The following BRWD3 variants were observed in gnomAD, a reference collection of about 807,000 sequenced individuals.
BRWD3 encodes the protein bromodomain and WD repeat domain containing 3.
A neutral mutation model predicts 149.7 loss-of-function variants in BRWD3; 10 were observed. The ratio of observed to expected loss-of-function variants is 0.07; its 90% CI spans 0.04 to 0.11. BRWD3 has a LOEUF of 0.11. Ranked by LOEUF, BRWD3 falls within the 10% of genes least tolerant of loss-of-function variation. The pLI is 1.00. For synonymous variants in BRWD3, 504 were observed against 456.7 expected, an observed-to-expected ratio of 1.10 and a Z score of -1.32; for missense variants, 940 against 1,373.2, an observed-to-expected ratio of 0.68 and a Z score of 4.99.
In BRWD3 at chrX:80,736,098, A is replaced by T. The variant is rs1432625891; in HGVS notation, c.814-10T>A. The T allele has an allele frequency of 9.0e-7, 1 of 1,114,814 alleles. No individual in the cohort carries two copies. Among genetic ancestry groups the T allele is most frequent in the African/African-American group, 1.8e-5 (1 of 54,791 alleles). The allele number at this position is 1,114,814 out of a possible 1,213,427, so 91.9% of individuals were successfully genotyped here. ...TAGTTGATGGACAAAACTTAAAAAA[A>T]AAAAAATCTGATTCAAATAAAAAGT... On this transcript the variant is annotated splice_polypyrimidine_tract_variant and intron_variant, in intron 8 of 40. Coordinates refer to ENST00000373275, the MANE Select transcript of BRWD3 (RefSeq NM_153252.5).
At chrX:80,711,216 T>A (rs1016785628) in intron 20 of BRWD3, among the ~76,000 whole-genome samples, 7 of 111,885 alleles carry the variant, frequency 6.3e-5, no homozygotes, top group African/African-American at 1.9e-4. Context: ...CTTTTGTTCA[T>A]TCTAGATTAA....
At chrX:80,787,334 T>A (rs1021408682) in intron 6 of BRWD3, among the ~76,000 whole-genome samples, 2 of 111,894 alleles carry the variant, frequency 1.8e-5, no homozygotes, top group African/African-American at 3.2e-5. Flanking sequence ...AAAAACTCAG[T>A]ACCTTCTTTT....
chrX:80,756,865 C>G (rs905010512), intron 6 of BRWD3, among the ~76,000 whole-genome samples: 1 of 111,896 alleles, frequency 8.9e-6, no homozygotes, highest in Non-Finnish European at 1.9e-5. Flanking sequence ...CAAACATGCA[C>G]AAGGCTATCA....
intron 4 of BRWD3, among the ~76,000 whole-genome samples, chrX:80,795,909 G>A (rs2074234480): frequency 9.1e-6 from 1 of 109,722 alleles, no homozygotes; most frequent in African/African-American, 3.3e-5. Flanking sequence ...CCAGCCCGTG[G>A]GTGACCCTGT....
At chrX:80,726,491 C>G (rs1441580312) in intron 14 of BRWD3, among the ~76,000 whole-genome samples, 1 of 110,425 alleles carries the variant, frequency 9.1e-6, no homozygotes, top group Non-Finnish European at 1.9e-5. Flanking sequence ...TAACTCCTGA[C>G]TAGAGAGTAT....
chrX:80,804,773 T>A (rs1210509688), intron 4 of BRWD3, among the ~76,000 whole-genome samples: 2 of 111,773 alleles, frequency 1.8e-5, no homozygotes, highest in Non-Finnish European at 3.8e-5. Context: ...GACATCTGTA[T>A]TATTTAAATT....
rs1399433596 is a variant in BRWD3, at chrX:80,808,610, A to G, written c.121-12T>C. On this transcript the variant is annotated splice_polypyrimidine_tract_variant and intron_variant, in intron 3 of 40. Coordinates refer to ENST00000373275, the MANE Select transcript of BRWD3 (RefSeq NM_153252.5). ...CGGCGCGGAATCAGCTGGGGGCCGG[A>G]CGAAAAGAAAGGGGGAAGCGGAGGC... The G allele has an allele frequency of 1.0e-5, 12 of 1,205,169 alleles. No individual in the cohort carries two copies. The highest frequency in any genetic ancestry group is 3.5e-5 in the African/African-American group (2 of 57,214).
Position 80,681,986 on chromosome X carries a change from G to A in BRWD3, c.4495+11C>T, listed in dbSNP as rs778045099. Reference sequence around the variant, plus strand: ...GAGATGCAGAACACCAAAAACAAAAGACATATTTACCAGGAGATGAGAAAG... The same window carrying A: ...GAGATGCAGAACACCAAAAACAAAAAACATATTTACCAGGAGATGAGAAAG... On this transcript the variant is annotated intron_variant, in intron 39 of 40. Coordinates refer to ENST00000373275, the MANE Select transcript of BRWD3 (RefSeq NM_153252.5). 1 of 1,180,679 alleles carries A rather than the reference G, an allele frequency of 8.5e-7. No homozygotes were observed.
At position 80,737,240 on chromosome X, in the gene BRWD3, C is replaced by T. The variant is rs777514475; in HGVS notation, c.814-1152G>A. ...ACTAAAATCAGTAGATGCTCAAGTC[C>T]CTGATATAAAATGGTATGGTATTTG... On this transcript the variant is annotated intron_variant, in intron 8 of 40. Coordinates refer to ENST00000373275, the MANE Select transcript of BRWD3 (RefSeq NM_153252.5). 2.7e-5 allele frequency among the ~76,000 whole-genome samples: 3 copies of T among 111,006 alleles called. No individual in the cohort carries two copies. In the South Asian group the frequency reaches 1.1e-3, roughly 42 times the overall value.
intron 6 of BRWD3, among the ~76,000 whole-genome samples, chrX:80,753,952 C>T (rs1308786330): frequency 8.9e-6 from 1 of 111,963 alleles, no homozygotes; most frequent in Non-Finnish European, 1.9e-5. Context: ...CATCAGGTAA[C>T]ATGATGTCTC....
intron 9 of BRWD3, among the ~76,000 whole-genome samples, chrX:80,735,592 C>T (rs772900532): frequency 9.0e-6 from 1 of 110,676 alleles, no homozygotes; most frequent in Admixed American, 9.7e-5. Context: ...AGGACAAGGT[C>T]AGGAGATCGA....
intron 8 of BRWD3, among the ~76,000 whole-genome samples, chrX:80,743,078 C>T (rs1459598665): frequency 9.0e-6 from 1 of 111,610 alleles, no homozygotes; most frequent in East Asian, 2.8e-4. Flanking sequence ...CCATGAATAC[C>T]TAATTTATTG....
chrX:80,684,304 A>G, intron 36 of BRWD3, 142 bp from the exon 37 acceptor site: 1 of 526,474 alleles, frequency 1.9e-6, no homozygotes, highest in Non-Finnish European at 3.1e-6. Flanking sequence ...CACAACCCCA[A>G]AACATCTTTT....
At chrX:80,766,788 G>A (rs1022581949) in intron 6 of BRWD3, among the ~76,000 whole-genome samples, 1 of 112,286 alleles carries the variant, frequency 8.9e-6, no homozygotes, top group African/African-American at 3.2e-5. Context: ...CTCGGAGGGC[G>A]AGTGGAAGCA....
intron 25 of BRWD3, among the ~76,000 whole-genome samples, chrX:80,697,505 T>A (rs761233815): frequency 1.1e-4 from 12 of 111,194 alleles, no homozygotes; most frequent in Non-Finnish European, 2.1e-4. Flanking sequence ...CCCCAATGTC[T>A]ATCATTTCCA....
intron 21 of BRWD3, among the ~76,000 whole-genome samples, chrX:80,707,772 A>G (rs1005590505): frequency 8.9e-6 from 1 of 112,084 alleles, no homozygotes; most frequent in Admixed American, 9.5e-5. Context: ...GAGTCCAAAT[A>G]TAACCCTCTT....
intron 20 of BRWD3, chrX:80,710,213 G>C: frequency 2.3e-6 from 1 of 439,574 alleles, no homozygotes; most frequent in Non-Finnish European, 4.2e-6. Flanking sequence ...ATTTGTATCT[G>C]ATAGACCACT....
chrX:80,683,989 T>C, intron 37 of BRWD3, 21 bp downstream of exon 37: 1 of 1,201,821 alleles, frequency 8.3e-7, no homozygotes, highest in Non-Finnish European at 1.1e-6. Context: ...GCCTGATAAT[T>C]AACCCAACTA....
intron 20 of BRWD3, among the ~76,000 whole-genome samples, chrX:80,713,962 A>T (rs141897695): frequency 1.7e-3 from 194 of 111,663 alleles, no homozygotes; most frequent in African/African-American, 6.3e-3. Flanking sequence ...GCATAGCATC[A>T]CATGACAGAT....
Sources: allele counts gnomAD v4.1 joint callset (sites outside exome capture counted in the v4.1 genomes callset), GRCh38; gene constraint gnomAD v4.1.1; transcripts MANE v1.5; gene names NCBI Gene and HGNC (gene_info 2026-07-23, HGNC 2026-07-21).